DDAH1: variants seen among roughly 807,000 people sequenced by gnomAD.
DDAH1 encodes the protein N(G),N(G)-dimethylarginine dimethylaminohydrolase 1.
DDAH1 carries 19 observed loss-of-function variants against 28.8 expected under a neutral mutation model. The observed-to-expected ratio is 0.66, with a 90% CI of 0.46 to 0.97. The LOEUF (loss-of-function observed/expected upper bound fraction) is 0.97, where lower values mean the gene tolerates loss of function less well. Among genes scored for constraint, DDAH1 ranks in the 50% least tolerant of loss-of-function variants. DDAH1 has a pLI of 0.00. For missense variants in DDAH1, 326 were observed against 375.9 expected (o/e 0.87, Z 1.10); for synonymous variants, 153 against 154.4 (o/e 0.99, Z 0.07).
intron 1 of DDAH1, among the ~76,000 whole-genome samples, chr1:85,449,779 T>A (rs1296829574): frequency 6.6e-6 from 1 of 151,998 alleles, no homozygotes; most frequent in Non-Finnish European, 1.5e-5. Context: ...CTGGAAAGCA[T>A]GGCAGCAGGA....
intron 4 of DDAH1, among the ~76,000 whole-genome samples, chr1:85,345,033 A>T (rs1648757320): frequency 1.3e-5 from 2 of 152,230 alleles, no homozygotes; most frequent in African/African-American, 2.4e-5. Context: ...AACTTTAAAA[A>T]ATTAAAGTAT....
chr1:85,422,122 T>TAAAATA (rs1653172181), intron 1 of DDAH1, among the ~76,000 whole-genome samples: 2 of 152,200 alleles, frequency 1.3e-5, no homozygotes, highest in Non-Finnish European at 2.9e-5. Context: ...AGGTGGGTAG[T>TAAAATA]GATATCTCAT....
intron 1 of DDAH1, among the ~76,000 whole-genome samples, chr1:85,433,340 TCTC>T (rs1653790190): frequency 6.6e-6 from 1 of 152,044 alleles, no homozygotes; most frequent in Non-Finnish European, 1.5e-5. Context: ...AGGGCTTTCT[TCTC>T]CACCTTCGCA....
chr1:85,404,483 C>G (rs1161139075), intron 1 of DDAH1: 1 of 1,521,562 alleles, frequency 6.6e-7, no homozygotes. Flanking sequence ...ACCTGTGTTA[C>G]TGAAGAACAG....
At chr1:85,401,461 G>C (rs901181210) in intron 1 of DDAH1, among the ~76,000 whole-genome samples, 1 of 151,178 alleles carries the variant, frequency 6.6e-6, no homozygotes, top group African/African-American at 2.4e-5. Flanking sequence ...TTTTACCTTG[G>C]ATTTTAAGAG....
chr1:85,554,751 T>A (rs1658912287), intron 1 of DDAH1, among the ~76,000 whole-genome samples: 3 of 152,230 alleles, frequency 2.0e-5, no homozygotes, highest in Admixed American at 1.3e-4. Flanking sequence ...GGGAGCCTAA[T>A]GAAGACTGAT....
chr1:85,379,961 C>T (rs1650891899), intron 1 of DDAH1, among the ~76,000 whole-genome samples: 1 of 152,194 alleles, frequency 6.6e-6, no homozygotes, highest in Admixed American at 6.5e-5. Context: ...TAACAGCTGT[C>T]CCTTCTCAAA....
chr1:85,403,176 T>C (rs1221351642), intron 1 of DDAH1, among the ~76,000 whole-genome samples: 3 of 148,414 alleles, frequency 2.0e-5, no homozygotes, highest in African/African-American at 5.0e-5. Flanking sequence ...TTACCACATA[T>C]ATACATATAC....
At chr1:85,418,394 A>G (rs1457407879) in intron 1 of DDAH1, among the ~76,000 whole-genome samples, 1 of 152,202 alleles carries the variant, frequency 6.6e-6, no homozygotes, top group African/African-American at 2.4e-5. Context: ...CTTAAAAAAC[A>G]AATTTCTTTT....
intron 1 of DDAH1, among the ~76,000 whole-genome samples, chr1:85,549,341 T>A (rs1315320484): frequency 6.6e-6 from 1 of 152,192 alleles, no homozygotes; most frequent in Admixed American, 6.5e-5. Flanking sequence ...CCTGGAGTGC[T>A]TGTTTAAACA....
At chr1:85,568,079 T>C (rs912399964) in intron 1 of DDAH1, among the ~76,000 whole-genome samples, 2 of 151,934 alleles carry the variant, frequency 1.3e-5, no homozygotes, top group African/African-American at 4.8e-5. Flanking sequence ...CTAAATAACC[T>C]GAGTCAAAAA....
At chr1:85,509,797 T>C (rs116533935) in intron 1 of DDAH1, among the ~76,000 whole-genome samples, 2,643 of 151,328 alleles carry the variant, frequency 0.017, 87 homozygotes, top group African/African-American at 0.059. Context: ...GAAAAAAGAG[T>C]AAAAAGAAAC....
intron 1 of DDAH1, among the ~76,000 whole-genome samples, chr1:85,445,966 A>C (rs1654410385): frequency 1.3e-5 from 2 of 152,158 alleles, no homozygotes; most frequent in Admixed American, 1.3e-4. Context: ...AATTCTGACC[A>C]CTTGTTAGAA....
chr1:85,415,498 T>C (rs1570510724), intron 1 of DDAH1, among the ~76,000 whole-genome samples: 3 of 152,152 alleles, frequency 2.0e-5, no homozygotes, highest in East Asian at 3.8e-4. Flanking sequence ...GGGTTGCTCA[T>C]AGTATTAATA....
At chr1:85,560,563 T>C (rs537254285) in intron 1 of DDAH1, among the ~76,000 whole-genome samples, 2 of 152,206 alleles carry the variant, frequency 1.3e-5, no homozygotes, top group African/African-American at 4.8e-5. Flanking sequence ...GTAAGGTTCT[T>C]ACATTATATA....
chr1:85,360,762 C>T (rs1304902894), intron 1 of DDAH1, among the ~76,000 whole-genome samples: 1 of 152,036 alleles, frequency 6.6e-6, no homozygotes, highest in Non-Finnish European at 1.5e-5. Flanking sequence ...TACTATATAC[C>T]AGTTTCAGAA....
At chr1:85,360,010 G>A (rs1313404983) in intron 1 of DDAH1, among the ~76,000 whole-genome samples, 1 of 152,160 alleles carries the variant, frequency 6.6e-6, no homozygotes, top group Non-Finnish European at 1.5e-5. Context: ...GAGATGACTC[G>A]AATAGGGGAC....
At chr1:85,480,982 T>C (rs1480413924) in intron 2 of DDAH1, among the ~76,000 whole-genome samples, 2 of 151,908 alleles carry the variant, frequency 1.3e-5, no homozygotes, top group Non-Finnish European at 2.9e-5. Flanking sequence ...TTGCTATCTT[T>C]AAGAAGTGGG....
intron 1 of DDAH1, among the ~76,000 whole-genome samples, chr1:85,406,385 T>G (rs1484945032): frequency 1.3e-5 from 2 of 152,144 alleles, no homozygotes; most frequent in Non-Finnish European, 2.9e-5. Context: ...CTTTTTAAAT[T>G]TGTAGTCCAA....
Sources: allele counts gnomAD v4.1 joint callset (sites outside exome capture counted in the v4.1 genomes callset), GRCh38; gene constraint gnomAD v4.1.1; transcripts MANE v1.5; gene names NCBI Gene and HGNC (gene_info 2026-07-23, HGNC 2026-07-21).